The following ZNF727 variants were observed in gnomAD, a reference collection of about 807,000 sequenced individuals.
The protein encoded by ZNF727 is putative zinc finger protein 727.
Under a neutral mutation model 11.5 loss-of-function variants are expected in ZNF727, and 11 were observed. The observed-to-expected ratio is 0.95, with a 90% CI of 0.60 to 1.58. The LOEUF is 1.58. Ranked by LOEUF, ZNF727 falls within the 40% of genes most tolerant of loss-of-function variation. ZNF727 has a pLI of 0.00. For missense variants in ZNF727, 533 were observed against 581.7 expected (o/e 0.92, Z 0.86); for synonymous variants, 171 against 196.1 (o/e 0.87, Z 1.07).
intron 1 of ZNF727, among the ~76,000 whole-genome samples, chr7:64,066,249 A>G (rs1789865478): frequency 6.6e-6 from 1 of 152,196 alleles, no homozygotes; most frequent in Admixed American, 6.6e-5. Context: ...TATAGATTCA[A>G]TGCTATTCCC....
intron 1 of ZNF727, among the ~76,000 whole-genome samples, chr7:64,065,247 T>C (rs1333152555): frequency 6.6e-6 from 1 of 152,118 alleles, no homozygotes; most frequent in Admixed American, 6.6e-5. Flanking sequence ...TAGTCCCAGA[T>C]AAAGATCATA....
At chr7:64,051,158 G>A (rs1416893474) in intron 1 of ZNF727, among the ~76,000 whole-genome samples, 2 of 152,070 alleles carry the variant, frequency 1.3e-5, no homozygotes, top group Non-Finnish European at 2.9e-5. Flanking sequence ...AGCAACAAAA[G>A]TTTCCATTAC....
At chr7:64,052,461 G>C (rs1232772719) in intron 1 of ZNF727, among the ~76,000 whole-genome samples, 1 of 150,060 alleles carries the variant, frequency 6.7e-6, no homozygotes, top group Admixed American at 6.7e-5. Context: ...TGATTGTGAG[G>C]CCTCCCCAGC....
At chr7:64,047,303 A>G (rs915413787) in intron 1 of ZNF727, among the ~76,000 whole-genome samples, 5 of 152,182 alleles carry the variant, frequency 3.3e-5, no homozygotes, top group African/African-American at 1.2e-4. Context: ...ATTTAATTTC[A>G]AAACGGACGT....
chr7:64,055,154 C>G (rs962542688), intron 1 of ZNF727, among the ~76,000 whole-genome samples: 7 of 152,048 alleles, frequency 4.6e-5, no homozygotes, highest in African/African-American at 1.7e-4. Context: ...TATGGTGGCT[C>G]AGGCCTGTAA....
Position 64,077,261 on chromosome 7 carries a change from T to C in ZNF727, c.227-15T>C, listed in dbSNP as rs1584157136. On this transcript the variant is annotated splice_polypyrimidine_tract_variant and intron_variant, in intron 3 of 3. Coordinates refer to ENST00000456806, the MANE Select transcript of ZNF727 (RefSeq NM_001159522.3). Reference sequence around the variant, plus strand: ...TGATGAGGGAGAAATTTTGTGGTTCTTTTTTTTTTTTCAGCTGGCTCTTTG... The same window carrying C: ...TGATGAGGGAGAAATTTTGTGGTTCCTTTTTTTTTTTCAGCTGGCTCTTTG... 1 of 54,770 alleles carries C rather than the reference T, an allele frequency of 1.8e-5. No individual in the cohort carries two copies. The highest frequency in any genetic ancestry group is 2.7e-5 in the Non-Finnish European group (1 of 37,482). The allele number at this position is 54,770 out of a possible 1,614,324, so 3.4% of individuals were successfully genotyped here.
chr7:64,067,637 A>G (rs578219317), intron 1 of ZNF727, among the ~76,000 whole-genome samples: 1 of 152,310 alleles, frequency 6.6e-6, no homozygotes, highest in East Asian at 1.9e-4. Flanking sequence ...TAACACAGGA[A>G]CAGAAAACCA....
intron 1 of ZNF727, among the ~76,000 whole-genome samples, chr7:64,060,531 C>T (rs1398454214): frequency 3.9e-5 from 6 of 152,204 alleles, no homozygotes; most frequent in Admixed American, 3.3e-4. Context: ...ATTCCAGCCC[C>T]ATCTTTCAAT....
In ZNF727 at chr7:64,049,410, AT is replaced by A. The variant is rs565194424; in HGVS notation, c.3+3793del. ...CATCCTCTTGTCTCTTTCTAAAATA[AT>A]TTTTTTCACCAAGAAACACATCTTA... On this transcript the variant is annotated intron_variant, in intron 1 of 3. Transcript: ENST00000456806. Among the ~76,000 whole-genome samples, 35 of 151,954 alleles carry A rather than the reference AT, an allele frequency of 2.3e-4. 1 individual carries two copies. The South Asian group carries it at 3.5e-3, about 15-fold the overall frequency.
At chr7:64,057,806 G>GA (rs1454544816) in intron 1 of ZNF727, among the ~76,000 whole-genome samples, 3 of 151,458 alleles carry the variant, frequency 2.0e-5, no homozygotes, top group Non-Finnish European at 4.4e-5. Context: ...CAAACTATTT[G>GA]AAAACATCAT....
chr7:64,069,395 G>T, intron 2 of ZNF727, 119 bp from the exon 3 acceptor site: 2 of 905,450 alleles, frequency 2.2e-6, no homozygotes, highest in Admixed American at 2.5e-5. Flanking sequence ...CAAAACAGTA[G>T]ATTGGAATTA....
In ZNF727 at chr7:64,077,518, T is replaced by G; in HGVS notation, c.469T>G (p.Cys157Gly). Reference sequence around the variant, plus strand: ...TAAATGTGGCAAAGCTTTTGGGTTGTGCTCAATCTTCACTGAACATAAGAA... The same window carrying G: ...TAAATGTGGCAAAGCTTTTGGGTTGGGCTCAATCTTCACTGAACATAAGAA... ...YNKCGKAFGL[C>G]SIFTEHKKIF... Residue 157 changes from cysteine to glycine, a missense_variant, in exon 4 of 4, where the codon TGC (cysteine) becomes GGC (glycine). Transcript: ENST00000456806. 6.4e-7 allele frequency: 1 copy of G among 1,551,500 alleles called. No individual in the cohort carries two copies. Among genetic ancestry groups the G allele is most frequent in the Non-Finnish European group, 8.7e-7 (1 of 1,146,828 alleles).
At chr7:64,050,752 ATG>A (rs1441493033) in intron 1 of ZNF727, among the ~76,000 whole-genome samples, 2 of 150,768 alleles carry the variant, frequency 1.3e-5, no homozygotes, top group East Asian at 2.0e-4. Context: ...TATGTATAAT[ATG>A]TGTGTGTATG....
chr7:64,082,488 G>T lies in ZNF727; in HGVS notation c.*3939G>T, dbSNP rs4717980. ...GCTCCATCTAAGGGAGGTATAGACC[G>T]GTTTCCAGCCCCAAAGCAACTGTAG... On this transcript the variant is annotated 3_prime_UTR_variant, in exon 4 of 4. Coordinates refer to ENST00000456806, the MANE Select transcript of ZNF727 (RefSeq NM_001159522.3). 0.65 allele frequency among the ~76,000 whole-genome samples: 98,764 copies of T among 152,104 alleles called. 32,470 individuals are homozygous for T. The highest frequency in any genetic ancestry group is 0.73 in the Admixed American group (11,092 of 15,286).
chr7:64,055,726 T>A (rs561772593), intron 1 of ZNF727, among the ~76,000 whole-genome samples: 1 of 152,370 alleles, frequency 6.6e-6, no homozygotes, highest in Admixed American at 6.5e-5. Context: ...TAATATTTCA[T>A]TGCATGTAAA....
intron 1 of ZNF727, among the ~76,000 whole-genome samples, chr7:64,046,787 A>C (rs1789514597): frequency 6.6e-6 from 1 of 152,166 alleles, no homozygotes. Context: ...AGAATATCCA[A>C]CTATGGTTTG....
intron 3 of ZNF727, 44 bp downstream of exon 3, chr7:64,069,653 C>A: frequency 6.9e-7 from 1 of 1,452,548 alleles, no homozygotes; most frequent in Non-Finnish European, 9.4e-7. Flanking sequence ...TGACGGTTCC[C>A]AATGTCAAGG....
intron 1 of ZNF727, among the ~76,000 whole-genome samples, chr7:64,065,541 A>G (rs1165382761): frequency 3.9e-5 from 6 of 152,206 alleles, no homozygotes. Context: ...TATTCTCAAG[A>G]AACAGGTTTA....
chr7:64,061,052 T>C (rs1288033129), intron 1 of ZNF727, among the ~76,000 whole-genome samples: 2 of 152,174 alleles, frequency 1.3e-5, no homozygotes, highest in Non-Finnish European at 2.9e-5. Flanking sequence ...TAATTTTATT[T>C]GGGGAGAGCT....
Sources: gnomAD v4.1 joint callset for allele counts (sites outside exome capture counted in the v4.1 genomes callset) on GRCh38, gnomAD v4.1.1 for gene constraint, MANE v1.5 for transcripts, NCBI Gene and HGNC (gene_info 2026-07-23, HGNC 2026-07-21) for gene names.